Variants in PDLIM7 observed in about 807,000 individuals in gnomAD.
The protein encoded by PDLIM7 is PDZ and LIM domain 7.
PDLIM7 carries 37 observed loss-of-function variants against 53.9 expected under a neutral mutation model. That is an observed-to-expected ratio of 0.69 (90% CI 0.53 to 0.90). The LOEUF (loss-of-function observed/expected upper bound fraction) is 0.90, where lower values mean the gene tolerates loss of function less well. Among genes scored for constraint, PDLIM7 ranks in the 40% least tolerant of loss-of-function variants. PDLIM7 has a pLI of 0.00. For missense variants in PDLIM7, 617 were observed against 638.5 expected (o/e 0.97, Z 0.36); for synonymous variants, 300 against 261.3 (o/e 1.15, Z -1.43).
chr5:177,489,753 G>C lies in PDLIM7; in HGVS notation c.634+18C>G, dbSNP rs767089404. ...AGGCTGCCCACCCTTGCCCAGGCCC[G>C]AGCCCACTCCCTCTCACCAGGCCAG... On this transcript the variant is annotated intron_variant, in intron 8 of 12. Transcript: ENST00000355841. The C allele has an allele frequency of 2.0e-6, 3 of 1,525,416 alleles. No homozygotes were observed. The highest frequency in any genetic ancestry group is 1.7e-4 in the Middle Eastern group (1 of 5,822). The allele number at this position is 1,525,416 out of a possible 1,614,324, so 94.5% of individuals were successfully genotyped here. A position where few individuals can be genotyped will look rare whatever the true frequency, so the allele number is the denominator to read the frequency against.
chr5:177,486,866 C>CAT (rs1385663607), intron 10 of PDLIM7, among the ~76,000 whole-genome samples: 1 of 147,056 alleles, frequency 6.8e-6, no homozygotes, highest in Non-Finnish European at 1.5e-5. Context: ...CTCCTGACCT[C>CAT]GTGATCCGCC....
At chr5:177,487,956 G>T in intron 10 of PDLIM7, 112 bp downstream of exon 10, 1 of 993,052 alleles carries the variant, frequency 1.0e-6, no homozygotes, top group Non-Finnish European at 1.5e-6. Flanking sequence ...TATTACGCTG[G>T]TAAGGACCCG....
intron 8 of PDLIM7, 32 bp from the exon 9 acceptor site, chr5:177,489,659 C>G: frequency 1.3e-6 from 2 of 1,532,088 alleles, no homozygotes; most frequent in South Asian, 1.2e-5. Flanking sequence ...AAGGGGTGCC[C>G]AGGGACCCCA....
At position 177,489,787 on chromosome 5, in the gene PDLIM7, G is replaced by T; in HGVS notation, c.618C>A (p.Pro206=). Residue 206 remains proline, a synonymous_variant, in exon 8 of 13, where the codon CCC becomes CCA. Coordinates refer to ENST00000355841, the MANE Select transcript of PDLIM7 (RefSeq NM_005451.5). ...TEAPAPASST[P]QEPWPGPTAP... ...CCCTCTCACCAGGCCAGGGCTCCTG[G>T]GGTGTAGATGAGGCTGGGGCTGGGG... is the stretch of plus-strand genomic sequence containing the variant. The T allele has an allele frequency of 1.3e-6, 2 of 1,575,936 alleles. No individual in the cohort carries two copies. The highest frequency in any genetic ancestry group is 2.3e-5 in the East Asian group (1 of 43,390).
At chr5:177,484,393 A>G in intron 10 of PDLIM7, 2 of 593,896 alleles carry the variant, frequency 3.4e-6, no homozygotes, top group Admixed American at 6.2e-5. Flanking sequence ...TGCCATGTCC[A>G]GCACTCAGTT....
At position 177,486,708 on chromosome 5, in the gene PDLIM7, G is replaced by T. The variant is rs6884662; in HGVS notation, c.1050+1360C>A. ...GGCTGGAGTGCAGTGGCGCGATCTCGGCTCACTGCAAGCTCTGCCTCCCAG... is the reference window on the plus strand; with the variant it reads ...GGCTGGAGTGCAGTGGCGCGATCTCTGCTCACTGCAAGCTCTGCCTCCCAG... On this transcript the variant is annotated intron_variant, in intron 10 of 12. Coordinates refer to ENST00000355841, the MANE Select transcript of PDLIM7 (RefSeq NM_005451.5). 2.6e-5 allele frequency among the ~76,000 whole-genome samples: 4 copies of T among 152,046 alleles called. No individual in the cohort carries two copies. The East Asian group carries it at 7.7e-4, about 29-fold the overall frequency.
rs1034901202 is a variant in PDLIM7, at chr5:177,491,699, C to T, written c.398+108G>A. 1.4e-5 allele frequency: 10 copies of T among 691,372 alleles called. No homozygotes were observed. The South Asian group carries it at 2.1e-4, about 15-fold the overall frequency. 42.8% of individuals were successfully genotyped at this position (691,372 alleles called of 1,614,324 possible). A position where few individuals can be genotyped will look rare whatever the true frequency, so the allele number is the denominator to read the frequency against. Reference sequence around the variant, plus strand: ...CCGGCCGCCAGGGGGCGCTGCCGCACGGTTCCGCCGGGCTGGGGCGCAGCA... The same window carrying T: ...CCGGCCGCCAGGGGGCGCTGCCGCATGGTTCCGCCGGGCTGGGGCGCAGCA... On this transcript the variant is annotated intron_variant, in intron 5 of 12. Coordinates refer to ENST00000355841, the MANE Select transcript of PDLIM7 (RefSeq NM_005451.5).
intron 10 of PDLIM7, among the ~76,000 whole-genome samples, chr5:177,486,832 C>T (rs1011111008): frequency 1.0e-4 from 15 of 149,952 alleles, no homozygotes; most frequent in South Asian, 2.1e-4. Flanking sequence ...GGGGTTTCAC[C>T]GTGTTAGCCA....
intron 10 of PDLIM7, chr5:177,487,866 G>A (rs1279284163): frequency 2.2e-6 from 1 of 462,892 alleles, no homozygotes; most frequent in Non-Finnish European, 3.7e-6. Context: ...TGCAGCCTTG[G>A]GCGGTTTCTG....
At chr5:177,490,346 G>A (rs1256386294) in intron 7 of PDLIM7, 1 of 1,452,226 alleles carries the variant, frequency 6.9e-7, no homozygotes, top group African/African-American at 1.4e-5. Context: ...GAACCCAGGT[G>A]GGCGGCCAGG....
chr5:177,491,378 G>A, intron 5 of PDLIM7: 1 of 1,552,198 alleles, frequency 6.4e-7, no homozygotes, highest in Non-Finnish European at 8.7e-7. Flanking sequence ...AAGAAGAAAG[G>A]CACAGGCAGA....
Position 177,484,179 on chromosome 5 carries a change from G to A in PDLIM7, c.1062C>T (p.His354=), listed in dbSNP as rs150489372. The A allele has an allele frequency of 5.8e-5, 93 of 1,613,464 alleles. 1 individual carries two copies. The South Asian group carries it at 8.8e-4, about 15-fold the overall frequency. Residue 354 remains histidine, a synonymous_variant, in exon 11 of 13, where the codon CAC becomes CAT. Transcript: ENST00000355841. ...CKKKITGEIM[H]ALKMTWHVHC... ...GCACGTGCCAGGTCATCTTCAGGGC[G>A]TGCATGATCTCCTGGAAGGAGGTCC...
At chr5:177,490,181 C>G in intron 7 of PDLIM7, 1 of 1,447,480 alleles carries the variant, frequency 6.9e-7, no homozygotes, top group Non-Finnish European at 9.1e-7. Flanking sequence ...CAGTCCGAAC[C>G]ACGAAACACC....
intron 2 of PDLIM7, among the ~76,000 whole-genome samples, chr5:177,493,565 G>A (rs1758912477): frequency 6.6e-6 from 1 of 152,230 alleles, no homozygotes; most frequent in African/African-American, 2.4e-5. Context: ...TTGAATGCCA[G>A]GGGAAGGGAC....
Position 177,483,605 on chromosome 5 carries a change from AG to A in PDLIM7, c.*38del. The A allele has an allele frequency of 1.4e-6, 2 of 1,438,638 alleles. No homozygotes were observed. Among genetic ancestry groups the A allele is most frequent in the Non-Finnish European group, 1.9e-6 (2 of 1,027,152 alleles). The allele number at this position is 1,438,638 out of a possible 1,614,324, so 89.1% of individuals were successfully genotyped here. A position where few individuals can be genotyped will look rare whatever the true frequency, so the allele number is the denominator to read the frequency against. On this transcript the variant is annotated 3_prime_UTR_variant, in exon 13 of 13. Coordinates refer to ENST00000355841, the MANE Select transcript of PDLIM7 (RefSeq NM_005451.5). ...GCAGGGCCACGACTCCAGGCCCCTCAGGCTAGGGGCCACCGCGGCAGCTGTG... is the reference window on the plus strand; with the variant it reads ...GCAGGGCCACGACTCCAGGCCCCTCAGCTAGGGGCCACCGCGGCAGCTGTG...
At chr5:177,485,918 C>G (rs909219313) in intron 10 of PDLIM7, among the ~76,000 whole-genome samples, 2 of 151,950 alleles carry the variant, frequency 1.3e-5, no homozygotes, top group African/African-American at 4.8e-5. Flanking sequence ...CCCAGGAGAT[C>G]AAGGCTGCAG....
rs371508116 is a variant in PDLIM7, at chr5:177,486,879, T to C, written c.1050+1189A>G. Among the ~76,000 whole-genome samples, 93 of 143,998 alleles carry C rather than the reference T, an allele frequency of 6.5e-4. 1 individual carries two copies. The East Asian group carries it at 0.011, about 17-fold the overall frequency. 94.5% of individuals were successfully genotyped at this position (143,998 alleles called of 152,430 possible). ...ATCTCCTGACCTCGTGATCCGCCCATCTCGGCCTCCCAAAGTGCTGGGATT... is the reference window on the plus strand; with the variant it reads ...ATCTCCTGACCTCGTGATCCGCCCACCTCGGCCTCCCAAAGTGCTGGGATT... On this transcript the variant is annotated intron_variant, in intron 10 of 12. Transcript: ENST00000355841.
intron 2 of PDLIM7, among the ~76,000 whole-genome samples, chr5:177,493,497 C>A (rs1758909272): frequency 6.6e-6 from 1 of 152,194 alleles, no homozygotes; most frequent in Middle Eastern, 3.2e-3. Context: ...AGCGGTGGGC[C>A]TCGGTAAAGG....
chr5:177,496,298 A>G (rs1329542668), intron 2 of PDLIM7, 119 bp downstream of exon 2: 1 of 673,650 alleles, frequency 1.5e-6, no homozygotes, highest in Non-Finnish European at 2.4e-6. Flanking sequence ...CTCCGGACCT[A>G]GACATCTCCT....
Sources: allele counts gnomAD v4.1 joint callset (sites outside exome capture counted in the v4.1 genomes callset), GRCh38; gene constraint gnomAD v4.1.1; transcripts MANE v1.5; gene names NCBI Gene and HGNC (gene_info 2026-07-23, HGNC 2026-07-21).